LRCH1: variants seen among roughly 807,000 people sequenced by gnomAD.
LRCH1 encodes the protein leucine rich repeats and calponin homology domain containing 1.
In LRCH1, 23 loss-of-function variants were observed where a neutral mutation model predicts 94.9. The observed-to-expected ratio is 0.24, with a 90% CI of 0.17 to 0.34. LRCH1 has a LOEUF of 0.34. Ranked by LOEUF, LRCH1 falls within the 10% of genes least tolerant of loss-of-function variation. LRCH1 has a pLI of 1.00. For missense variants in LRCH1, 790 were observed against 945.9 expected (o/e 0.84, Z 2.16); for synonymous variants, 364 against 354.9 (o/e 1.03, Z -0.29).
chr13:46,594,497 G>A (rs2050536810), intron 1 of LRCH1, among the ~76,000 whole-genome samples: 1 of 151,804 alleles, frequency 6.6e-6, no homozygotes, highest in South Asian at 2.1e-4. Flanking sequence ...AAGCAAAGAG[G>A]CTTAGACCTC....
chr13:46,692,999 G>A (rs758847403), intron 8 of LRCH1, among the ~76,000 whole-genome samples: 2 of 138,052 alleles, frequency 1.4e-5, no homozygotes, highest in Admixed American at 8.0e-5. Flanking sequence ...ATGGAGTCTC[G>A]CTCTGTCTCC....
intron 1 of LRCH1, among the ~76,000 whole-genome samples, chr13:46,630,500 C>T (rs1041977934): frequency 7.9e-5 from 12 of 152,178 alleles, no homozygotes; most frequent in African/African-American, 2.9e-4. Flanking sequence ...TTTCTTATTT[C>T]AGTCTGACCA....
intron 2 of LRCH1, among the ~76,000 whole-genome samples, chr13:46,668,307 A>G (rs2051548214): frequency 6.6e-6 from 1 of 152,200 alleles, no homozygotes; most frequent in South Asian, 2.1e-4. Context: ...CTTGTAGAGC[A>G]GAGATGAGAC....
chr13:46,649,622 G>T (rs574625760), intron 1 of LRCH1, among the ~76,000 whole-genome samples: 1 of 152,070 alleles, frequency 6.6e-6, no homozygotes, highest in East Asian at 1.9e-4. Context: ...AAAGTACTTG[G>T]TTATTGTCTG....
intron 13 of LRCH1, among the ~76,000 whole-genome samples, chr13:46,710,421 A>G (rs1871999679): frequency 6.6e-6 from 1 of 152,210 alleles, no homozygotes; most frequent in Non-Finnish European, 1.5e-5. Context: ...ACATCACGTG[A>G]TCTGACTTTA....
At chr13:46,644,448 G>A (rs778391975) in intron 1 of LRCH1, among the ~76,000 whole-genome samples, 17 of 152,256 alleles carry the variant, frequency 1.1e-4, no homozygotes, top group African/African-American at 4.1e-4. Context: ...CCCATCCTTA[G>A]TGTACGTTGA....
intron 1 of LRCH1, among the ~76,000 whole-genome samples, chr13:46,603,288 T>C (rs535741395): frequency 5.6e-4 from 86 of 152,220 alleles, no homozygotes; most frequent in African/African-American, 1.7e-3. Context: ...TGGGAAGCCA[T>C]CCAGTTTCCT....
chr13:46,685,825 A>G, intron 4 of LRCH1, 80 bp from the exon 5 acceptor site: 1 of 1,033,974 alleles, frequency 9.7e-7, no homozygotes, highest in Non-Finnish European at 1.3e-6. Context: ...GCAGAACATT[A>G]ATTTTTGAAT....
At chr13:46,689,063 G>C in intron 6 of LRCH1, 70 bp from the exon 7 acceptor site, 1 of 1,196,818 alleles carries the variant, frequency 8.4e-7, no homozygotes, top group Non-Finnish European at 1.2e-6. Context: ...ATAAATTGAT[G>C]TTTCTTGGTG....
chr13:46,651,046 T>C (rs2051290598), intron 2 of LRCH1, among the ~76,000 whole-genome samples: 1 of 152,220 alleles, frequency 6.6e-6, no homozygotes, highest in Non-Finnish European at 1.5e-5. Flanking sequence ...ACTTTGCAGC[T>C]AGGTTCTCTG....
At chr13:46,585,667 G>A (rs1391307363) in intron 1 of LRCH1, among the ~76,000 whole-genome samples, 1 of 151,942 alleles carries the variant, frequency 6.6e-6, no homozygotes, top group Non-Finnish European at 1.5e-5. Flanking sequence ...AATATGTGTG[G>A]CTCACTCAAG....
chr13:46,650,266 C>T lies in LRCH1; in HGVS notation c.373C>T (p.Leu125Phe). Residue 125 changes from leucine (L) to phenylalanine (F), a missense_variant, in exon 2 of 20, where the codon CTT becomes TTT. Transcript: ENST00000389797. Reference protein sequence around the residue: ...ELCHFVSLEILNLYHNCIRVI... With the variant: ...ELCHFVSLEIFNLYHNCIRVI... Reference sequence around the variant, plus strand: ...GTGCCATTTTGTATCACTGGAAATTCTTAATCTGTATCACAACTGTATCAG... The same window carrying T: ...GTGCCATTTTGTATCACTGGAAATTTTTAATCTGTATCACAACTGTATCAG... 6.2e-7 allele frequency: 1 copy of T among 1,612,776 alleles called. No homozygotes were observed. The highest frequency in any genetic ancestry group is 8.5e-7 in the Non-Finnish European group (1 of 1,179,184).
intron 2 of LRCH1, among the ~76,000 whole-genome samples, chr13:46,658,400 A>C (rs1292971221): frequency 6.6e-6 from 1 of 152,156 alleles, no homozygotes; most frequent in Non-Finnish European, 1.5e-5. Context: ...AAGTTTTGCT[A>C]TGCAGTGGTT....
chr13:46,573,212 A>G (rs2137923307), intron 1 of LRCH1, among the ~76,000 whole-genome samples: 1 of 151,564 alleles, frequency 6.6e-6, no homozygotes, highest in African/African-American at 2.4e-5. Flanking sequence ...TCATGTAACT[A>G]CTATCCTTGG....
intron 1 of LRCH1, among the ~76,000 whole-genome samples, chr13:46,578,983 C>T (rs1207810975): frequency 6.6e-6 from 1 of 151,990 alleles, no homozygotes; most frequent in East Asian, 1.9e-4. Flanking sequence ...CTAAGGCCGA[C>T]AAAATTCACT....
chr13:46,578,940 C>G (rs2050334866), intron 1 of LRCH1, among the ~76,000 whole-genome samples: 1 of 152,090 alleles, frequency 6.6e-6, no homozygotes, highest in Non-Finnish European at 1.5e-5. Context: ...CTGGTACAGC[C>G]AGACTGCAAC....
At chr13:46,679,390 A>G (rs1487632746) in intron 3 of LRCH1, among the ~76,000 whole-genome samples, 1 of 152,224 alleles carries the variant, frequency 6.6e-6, no homozygotes, top group East Asian at 1.9e-4. Flanking sequence ...GTGACTGAGC[A>G]AAGGCCCCCG....
chr13:46,594,367 C>G (rs975473617), intron 1 of LRCH1, among the ~76,000 whole-genome samples: 3 of 152,032 alleles, frequency 2.0e-5, no homozygotes, highest in Non-Finnish European at 4.4e-5. Flanking sequence ...TAAGAACCTC[C>G]TAGAACCTTA....
rs533543595 is a variant in LRCH1, at chr13:46,553,473, CCCACCACCA to C, written c.90_98del (p.His31_His33del). On this transcript the variant is annotated inframe_deletion, in exon 1 of 20. Coordinates refer to ENST00000389797, the MANE Select transcript of LRCH1 (RefSeq NM_001164211.2). ...GCTACTCTGCACCCACTTCATCATC[CCCACCACCA>C]CCACCACCACCATCAGCACCACGGA... The C allele has an allele frequency of 1.3e-5, 20 of 1,548,058 alleles. No homozygotes were observed. The South Asian group carries it at 1.7e-4, about 13-fold the overall frequency.
Sources: gnomAD v4.1 joint callset for allele counts (sites outside exome capture counted in the v4.1 genomes callset) on GRCh38, gnomAD v4.1.1 for gene constraint, MANE v1.5 for transcripts, NCBI Gene and HGNC (gene_info 2026-07-23, HGNC 2026-07-21) for gene names.